Variants in GRIK3 observed in about 807,000 individuals in gnomAD.
GRIK3 encodes glutamate receptor ionotropic, kainate 3.
In GRIK3, 29 loss-of-function variants were observed where a neutral mutation model predicts 102.5. That is an observed-to-expected ratio of 0.28 (90% CI 0.21 to 0.39). The LOEUF is 0.39. Among genes scored for constraint, GRIK3 ranks in the 10% least tolerant of loss-of-function variants. The probability of loss-of-function intolerance (pLI) is 1.00; values close to 1 mark genes in which losing one functional copy is unlikely to be tolerated. For synonymous variants in GRIK3, 511 were observed against 504.9 expected, an observed-to-expected ratio of 1.01 and a Z score of -0.16; for missense variants, 908 against 1,252.4, an observed-to-expected ratio of 0.73 and a Z score of 4.15.
intron 10 of GRIK3, among the ~76,000 whole-genome samples, chr1:36,834,062 T>C (rs987067287): frequency 1.3e-5 from 2 of 152,242 alleles, no homozygotes; most frequent in Admixed American, 6.5e-5. Flanking sequence ...CCCAGAACAC[T>C]TGCTCTCATT....
At chr1:36,985,009 C>T (rs762379346) in intron 1 of GRIK3, among the ~76,000 whole-genome samples, 5 of 152,134 alleles carry the variant, frequency 3.3e-5, no homozygotes, top group East Asian at 1.9e-4. Flanking sequence ...TCAAGGGCTC[C>T]GTGAAGCCCG....
chr1:36,896,836 C>CAAGG (rs1641177861), intron 1 of GRIK3, among the ~76,000 whole-genome samples: 1 of 151,960 alleles, frequency 6.6e-6, no homozygotes, highest in South Asian at 2.1e-4. Context: ...TCCTGGAATG[C>CAAGG]AAGGATGGTT....
intron 1 of GRIK3, among the ~76,000 whole-genome samples, chr1:36,932,839 A>G (rs1378771543): frequency 6.6e-6 from 1 of 152,052 alleles, no homozygotes; most frequent in Non-Finnish European, 1.5e-5. Context: ...TACTGCATCT[A>G]TTTGCTTGCT....
At chr1:36,845,984 G>A (rs951016115) in intron 9 of GRIK3, among the ~76,000 whole-genome samples, 1 of 152,180 alleles carries the variant, frequency 6.6e-6, no homozygotes, top group African/African-American at 2.4e-5. Flanking sequence ...GTGTGTAGCT[G>A]GTCCTACACC....
chr1:36,845,905 A>G, intron 9 of GRIK3, among the ~76,000 whole-genome samples: 1 of 152,114 alleles, frequency 6.6e-6, no homozygotes, highest in East Asian at 1.9e-4. Flanking sequence ...CCTGGCAGGC[A>G]ATTGAGCCTA....
chr1:37,008,427 G>T (rs1045704998), intron 1 of GRIK3, among the ~76,000 whole-genome samples: 2 of 152,226 alleles, frequency 1.3e-5, no homozygotes, highest in East Asian at 3.8e-4. Context: ...GCGAACAAAC[G>T]CCATGTGGGC....
rs556195240 is a variant in GRIK3, at chr1:37,013,663, A to C, written c.115+20331T>G. On this transcript the variant is annotated intron_variant, in intron 1 of 15. Transcript: ENST00000373091. Reference sequence around the variant, plus strand: ...TGCTGGATCCTCCATTGCTGTATCAAGCACATGTTTGGACCAGGCTTTGGT... The same window carrying C: ...TGCTGGATCCTCCATTGCTGTATCACGCACATGTTTGGACCAGGCTTTGGT... 2.6e-5 allele frequency among the ~76,000 whole-genome samples: 4 copies of C among 152,336 alleles called. No individual in the cohort carries two copies. The East Asian group carries it at 7.7e-4, about 29-fold the overall frequency.
chr1:36,862,893 A>G (rs967094557), intron 5 of GRIK3, among the ~76,000 whole-genome samples: 1 of 152,206 alleles, frequency 6.6e-6, no homozygotes, highest in Non-Finnish European at 1.5e-5. Flanking sequence ...CTCGTCTGGC[A>G]GGAGGTTGTG....
chr1:36,968,545 C>T (rs969486529), intron 1 of GRIK3, among the ~76,000 whole-genome samples: 2 of 152,328 alleles, frequency 1.3e-5, no homozygotes, highest in Non-Finnish European at 2.9e-5. Flanking sequence ...AATACCTCCA[C>T]CTGCCCTTTC....
intron 5 of GRIK3, among the ~76,000 whole-genome samples, chr1:36,868,573 C>T (rs1329202848): frequency 6.6e-5 from 10 of 152,188 alleles, no homozygotes; most frequent in Admixed American, 3.3e-4. Context: ...ATTGTGTAAG[C>T]GTTCCCGTCA....
Position 36,872,134 on chromosome 1 carries a change from G to C in GRIK3, c.732+54C>G, listed in dbSNP as rs900013950. 1.4e-6 allele frequency: 2 copies of C among 1,473,982 alleles called. No homozygotes were observed. The highest frequency in any genetic ancestry group is 4.8e-5 in the East Asian group (2 of 41,256). 91.3% of individuals were successfully genotyped at this position (1,473,982 alleles called of 1,614,324 possible). A position where few individuals can be genotyped will look rare whatever the true frequency, so the allele number is the denominator to read the frequency against. Reference sequence around the variant, plus strand: ...ACCCACATTTGGGAAGGGGACGTGGGAGAAGTGGCCAGCAGACCCCAGTCA... The same window carrying C: ...ACCCACATTTGGGAAGGGGACGTGGCAGAAGTGGCCAGCAGACCCCAGTCA... On this transcript the variant is annotated intron_variant, in intron 4 of 15. Transcript: ENST00000373091. The surrounding 1 kb of genome is among the most constrained non-coding windows in gnomAD (Gnocchi z 5.9).
chr1:36,880,814 T>A lies in GRIK3; in HGVS notation c.370A>T (p.Ile124Phe). 4 of 1,614,106 alleles carry A rather than the reference T, an allele frequency of 2.5e-6. No individual in the cohort carries two copies. Among genetic ancestry groups the A allele is most frequent in the Non-Finnish European group, 3.4e-6 (4 of 1,179,972 alleles). The change falls in exon 3 of 16, where the codon ATC becomes TTC. Residue 124 changes from isoleucine to phenylalanine, a missense_variant. Coordinates refer to ENST00000373091, the MANE Select transcript of GRIK3 (RefSeq NM_000831.4). The surrounding 1 kb of genome is among the most constrained non-coding windows in gnomAD (Gnocchi z 5.4). The part of the protein sequence containing the change: ...QGSCTNAVQS[I>F]CNALEVPHIQ... ...TGGGGCACCTCCAGGGCATTGCAGA[T>A]GGACTGGACGGCATTGGTGCAGGAG... is the stretch of plus-strand genomic sequence containing the variant.
At chr1:36,944,403 T>G (rs1041021038) in intron 1 of GRIK3, among the ~76,000 whole-genome samples, 1 of 152,146 alleles carries the variant, frequency 6.6e-6, no homozygotes, top group Non-Finnish European at 1.5e-5. Context: ...GGCTTCCCAC[T>G]CATTTCTGTA....
intron 1 of GRIK3, among the ~76,000 whole-genome samples, chr1:36,909,831 T>C (rs569628306): frequency 6.6e-6 from 1 of 152,304 alleles, no homozygotes; most frequent in South Asian, 2.1e-4. Context: ...TCTACTATGA[T>C]ATGTTGTTAT....
At chr1:36,910,993 C>T (rs887890822) in intron 1 of GRIK3, among the ~76,000 whole-genome samples, 2 of 152,080 alleles carry the variant, frequency 1.3e-5, no homozygotes, top group South Asian at 2.1e-4. Flanking sequence ...ATCTTGCGGA[C>T]GTCTTCATGG....
chr1:36,844,571 C>A (rs1298869686), intron 9 of GRIK3, among the ~76,000 whole-genome samples: 2 of 152,198 alleles, frequency 1.3e-5, no homozygotes, highest in Non-Finnish European at 2.9e-5. Context: ...AGAGAAGGTA[C>A]CATCTTTCCC....
chr1:36,869,950 G>A (rs3738085), intron 4 of GRIK3, 149 bp from the exon 5 acceptor site: 589,182 of 650,926 alleles, frequency 0.91, 268,510 homozygotes, highest in East Asian at 0.97. Flanking sequence ...CCTCTGAACA[G>A]TGACAATGAC....
intron 3 of GRIK3, among the ~76,000 whole-genome samples, chr1:36,873,772 G>A (rs1477310226): frequency 2.0e-5 from 3 of 152,162 alleles, no homozygotes; most frequent in Admixed American, 6.5e-5. Flanking sequence ...CCTGGGAATA[G>A]GTATTGACTC....
chr1:37,015,927 C>T (rs1350757349), intron 1 of GRIK3, among the ~76,000 whole-genome samples: 1 of 152,270 alleles, frequency 6.6e-6, no homozygotes, highest in East Asian at 1.9e-4. Context: ...CTGGTGCCTG[C>T]ACCATGTCCA....
Sources: gnomAD v4.1 joint callset for allele counts (sites outside exome capture counted in the v4.1 genomes callset) on GRCh38, gnomAD v4.1.1 for gene constraint, Gnocchi (gnomAD v3.1) non-coding constraint, MANE v1.5 for transcripts, NCBI Gene and HGNC (gene_info 2026-07-23, HGNC 2026-07-21) for gene names.